Variants in ANTXRL observed in about 807,000 individuals in gnomAD.
ANTXRL encodes anthrax toxin receptor-like.
ANTXRL carries 63 observed loss-of-function variants against 75.4 expected under a neutral mutation model. That is an observed-to-expected ratio of 0.84 (90% CI 0.68 to 1.03). The LOEUF is 1.03. Among genes scored for constraint, ANTXRL ranks in the 50% least tolerant of loss-of-function variants. ANTXRL has a pLI of 0.00. For missense variants in ANTXRL, 797 were observed against 789.4 expected (o/e 1.01, Z -0.12); for synonymous variants, 335 against 291.3 (o/e 1.15, Z -1.53).
chr10:46,295,081 G>T (rs2132674276), intron 3 of ANTXRL, among the ~76,000 whole-genome samples: 1 of 152,314 alleles, frequency 6.6e-6, no homozygotes, highest in African/African-American at 2.4e-5. Context: ...CCGCAGATCA[G>T]TGTTCAGCCC....
intron 1 of ANTXRL, among the ~76,000 whole-genome samples, chr10:46,289,900 A>G (rs1331916449): frequency 2.6e-5 from 4 of 152,122 alleles, no homozygotes; most frequent in Non-Finnish European, 5.9e-5. Flanking sequence ...AAGCAAACAT[A>G]TAATATTTGG....
upstream of ANTXRL, chr10:46,286,979 G>A (rs1836790582): frequency 8.0e-6 from 4 of 501,710 alleles, no homozygotes; most frequent in Non-Finnish European, 1.4e-5. Flanking sequence ...AAGTCACCAT[G>A]TCAACCTTCC....
At chr10:46,315,398 C>T (rs2999411) in intron 16 of ANTXRL, among the ~76,000 whole-genome samples, 352 of 152,318 alleles carry the variant, frequency 2.3e-3, no homozygotes, top group African/African-American at 7.4e-3. Context: ...CAACTGCAAC[C>T]GCACGGCTGT....
intron 2 of ANTXRL, among the ~76,000 whole-genome samples, chr10:46,293,311 CGTGTGTGCCTGTGTGTGA>C (rs1837116559): frequency 1.4e-5 from 1 of 70,676 alleles, no homozygotes; most frequent in African/African-American, 4.9e-5. Context: ...TGTGTGTGTG[CGTGTGTGCCTGTGTGTGA>C]GTGTGTGCGT....
chr10:46,315,659 T>C (rs1195078117), intron 16 of ANTXRL, among the ~76,000 whole-genome samples: 6 of 152,142 alleles, frequency 3.9e-5, no homozygotes, highest in African/African-American at 7.2e-5. Flanking sequence ...TGGGCTGACC[T>C]GGGGAGTGTG....
intron 13 of ANTXRL, among the ~76,000 whole-genome samples, chr10:46,309,684 A>G (rs182614634): frequency 5.9e-5 from 6 of 102,046 alleles, no homozygotes; most frequent in Admixed American, 5.0e-4. Context: ...GCACATGTCT[A>G]GTTCCTTCCC....
At chr10:46,294,554 G>T (rs1447702369) in intron 3 of ANTXRL, among the ~76,000 whole-genome samples, 2 of 152,160 alleles carry the variant, frequency 1.3e-5, no homozygotes, top group Non-Finnish European at 2.9e-5. Flanking sequence ...AGGAGATGAA[G>T]CACAGAAGAG....
Position 46,329,593 on chromosome 10 carries a change from C to A in ANTXRL, c.1411-6C>A. The A allele has an allele frequency of 6.5e-7, 1 of 1,534,892 alleles. No individual in the cohort carries two copies. Among genetic ancestry groups the A allele is most frequent in the Non-Finnish European group, 8.7e-7 (1 of 1,145,760 alleles). On this transcript the variant is annotated splice_region_variant and splice_polypyrimidine_tract_variant and intron_variant, in intron 16 of 16. Transcript: ENST00000620264. ...GGTGACCTTCTCTCTCTTCTCTTCC[C>A]TACAGGGGAGGTACCTCAGCTTAGC...
rs1588848075 is a variant in ANTXRL, at chr10:46,311,660, A to G, written c.1324A>G (p.Ile442Val). 1 of 1,070,594 alleles carries G rather than the reference A, an allele frequency of 9.3e-7. No homozygotes were observed. Among genetic ancestry groups the G allele is most frequent in the Non-Finnish European group, 1.4e-6 (1 of 721,678 alleles). 66.3% of individuals were successfully genotyped at this position (1,070,594 alleles called of 1,614,324 possible). A position where few individuals can be genotyped will look rare whatever the true frequency, so the allele number is the denominator to read the frequency against. Reference sequence around the variant, plus strand: ...CCAAGGAGTGGGCGGGATGAGAAGGATAGAGGTGAGAAGGGCACAGTGGAG... The same window carrying G: ...CCAAGGAGTGGGCGGGATGAGAAGGGTAGAGGTGAGAAGGGCACAGTGGAG... Reference protein sequence around the residue: ...GCQGVGGMRRIEGNLDTFCDL... With the variant: ...GCQGVGGMRRVEGNLDTFCDL... Residue 442 changes from isoleucine to valine, a missense_variant, in exon 15 of 17, where the codon ATA (isoleucine) becomes GTA (valine). By Grantham distance (29) the Ile-to-Val change is conservative. Around this residue, in one of 3 missense-constraint regions of ANTXRL, gnomAD observed 479 missense variants for 422.0 expected, o/e 1.14. Transcript: ENST00000620264.
chr10:46,287,476 C>T lies in ANTXRL; in HGVS notation c.214C>T (p.Gln72Ter). 3.3e-6 allele frequency: 5 copies of T among 1,535,760 alleles called. No individual in the cohort carries two copies. The highest frequency in any genetic ancestry group is 4.4e-6 in the Non-Finnish European group (5 of 1,146,720). ...WRQGQAGHRC[Q>*]GSFDLYFILD... ...CCAGGGGCAAGCAGGTCACAGATGC[C>T]AGGGCTCATTTGACCTCTACTTCAT... is the stretch of plus-strand genomic sequence containing the variant. Residue 72 changes from glutamine (Q) to a stop codon, truncating the protein, a stop_gained, in exon 1 of 17, where the codon CAG (glutamine) becomes TAG (stop). Coordinates refer to ENST00000620264, the MANE Select transcript of ANTXRL (RefSeq NM_001278688.3). LOFTEE classifies it high-confidence loss of function.
chr10:46,311,776 C>T (rs1554963625), intron 15 of ANTXRL, 111 bp downstream of exon 15: 2 of 587,554 alleles, frequency 3.4e-6, no homozygotes, highest in Admixed American at 3.0e-5. Context: ...GCAGGCTCTA[C>T]AGGGGCTGGA....
chr10:46,309,061 C>A (rs1348580498), intron 12 of ANTXRL, 52 bp from the exon 13 acceptor site: 1 of 1,534,638 alleles, frequency 6.5e-7, no homozygotes, highest in Non-Finnish European at 8.7e-7. Flanking sequence ...AAGTGGTGGG[C>A]ACGGGGAAGA....
rs1310205363 is a variant in ANTXRL at position 46,313,250 on chromosome 10, C to G, written c.1344C>G (p.Thr448=). 6.5e-7 allele frequency: 1 copy of G among 1,535,860 alleles called. No individual in the cohort carries two copies. Among genetic ancestry groups the G allele is most frequent in the South Asian group, 1.2e-5 (1 of 84,054 alleles). The change falls in exon 16 of 17, where the codon ACC becomes ACG. Residue 448 remains threonine (T), a synonymous_variant. Coordinates refer to ENST00000620264, the MANE Select transcript of ANTXRL (RefSeq NM_001278688.3). ...GMRRIEGNLD[T]FCDLSHASCH... is the part of the protein sequence containing the mutation. ...TTGCTTTTCAGGGCAATCTGGATAC[C>G]TTTTGTGACCTCTCTCACGCAAGCT... is the stretch of plus-strand genomic sequence containing the variant.
chr10:46,293,330 G>A (rs1312902571), intron 2 of ANTXRL, among the ~76,000 whole-genome samples: 12 of 146,270 alleles, frequency 8.2e-5, no homozygotes, highest in African/African-American at 3.1e-4. Flanking sequence ...CTGTGTGTGA[G>A]TGTGTGCGTG....
At chr10:46,292,250 A>C in intron 2 of ANTXRL, 121 bp downstream of exon 2, 1 of 903,466 alleles carries the variant, frequency 1.1e-6, no homozygotes, top group Non-Finnish European at 1.7e-6. Flanking sequence ...GGGGACACAG[A>C]GCACAAGGTG....
At chr10:46,307,618 A>T in intron 12 of ANTXRL, 138 bp downstream of exon 12, 2 of 836,896 alleles carry the variant, frequency 2.4e-6, no homozygotes, top group Non-Finnish European at 3.8e-6. Flanking sequence ...GGCTGCTCCA[A>T]CCCGGCTTCT....
chr10:46,301,557 C>T (rs1837746917), intron 9 of ANTXRL, among the ~76,000 whole-genome samples: 1 of 152,200 alleles, frequency 6.6e-6, no homozygotes, highest in Admixed American at 6.5e-5. Context: ...CGGAGCTCCT[C>T]ATCTGAGGAG....
At chr10:46,316,558 G>C (rs1487349482) in intron 16 of ANTXRL, among the ~76,000 whole-genome samples, 2 of 152,202 alleles carry the variant, frequency 1.3e-5, no homozygotes, top group Non-Finnish European at 2.9e-5. Context: ...CTGATGTTTA[G>C]TGATGGGCTC....
rs1839425801 is a variant in ANTXRL at position 46,330,058 on chromosome 10, C to T, written c.1870C>T (p.Leu624Phe). The part of the protein sequence containing the change: ...LRHTAEPPLS[L>F]PPSEPNF The stretch of plus-strand genomic sequence containing the variant: ...GCACACGGCAGAACCCCCTTTGTCA[C>T]TCCCCCCCTCAGAGCCCAACTTCTA... The change falls in exon 17 of 17, where the codon CTC (leucine) becomes TTC (phenylalanine). Residue 624 changes from leucine to phenylalanine, a missense_variant. Physicochemically the swap from Leu to Phe is conservative, Grantham distance 22. Around this residue, in one of 3 missense-constraint regions of ANTXRL, gnomAD observed 479 missense variants for 422.0 expected, o/e 1.14. Coordinates refer to ENST00000620264, the MANE Select transcript of ANTXRL (RefSeq NM_001278688.3). The T allele has an allele frequency of 6.6e-7, 1 of 1,509,524 alleles. No homozygotes were observed. Among genetic ancestry groups the T allele is most frequent in the Non-Finnish European group, 8.9e-7 (1 of 1,126,610 alleles). The allele number at this position is 1,509,524 out of a possible 1,614,324, so 93.5% of individuals were successfully genotyped here.
Sources: allele counts gnomAD v4.1 joint callset (sites outside exome capture counted in the v4.1 genomes callset), GRCh38; gene constraint gnomAD v4.1.1; regional missense constraint gnomAD v4.1.1; transcripts MANE v1.5; gene names NCBI Gene and HGNC (gene_info 2026-07-23, HGNC 2026-07-21).